Variants in STXBP6 observed in about 807,000 individuals in gnomAD.
STXBP6 encodes the protein syntaxin binding protein 6.
A neutral mutation model predicts 26.9 loss-of-function variants in STXBP6; 21 were observed. The ratio of observed to expected loss-of-function variants is 0.78; its 90% CI spans 0.55 to 1.12. The LOEUF is 1.12. Ranked by LOEUF, STXBP6 falls within the 50% of genes most tolerant of loss-of-function variation. The probability of loss-of-function intolerance (pLI) is 0.00; values close to 1 mark genes in which losing one functional copy is unlikely to be tolerated. For missense variants in STXBP6, 232 were observed against 257.9 expected, an observed-to-expected ratio of 0.90 and a Z score of 0.69; for synonymous variants, 97 against 92.6, an observed-to-expected ratio of 1.05 and a Z score of -0.27.
At chr14:24,952,847 C>CA (rs1438131903) in intron 2 of STXBP6, among the ~76,000 whole-genome samples, 2 of 152,164 alleles carry the variant, frequency 1.3e-5, no homozygotes, top group African/African-American at 4.8e-5. Flanking sequence ...CATTCCAACT[C>CA]AGAGGAGGAA....
At chr14:24,895,729 A>C (rs572670382) in intron 2 of STXBP6, among the ~76,000 whole-genome samples, 5 of 152,258 alleles carry the variant, frequency 3.3e-5, no homozygotes, top group Non-Finnish European at 5.9e-5. Flanking sequence ...CTGGAGCAAT[A>C]TCAGAGCATA....
intron 2 of STXBP6, among the ~76,000 whole-genome samples, chr14:24,920,885 C>T (rs1038404859): frequency 2.0e-5 from 3 of 152,068 alleles, no homozygotes; most frequent in Admixed American, 6.6e-5. Flanking sequence ...AACAGGAAAA[C>T]CAGCTCAGTT....
chr14:24,950,541 T>A (rs967869629), intron 2 of STXBP6, among the ~76,000 whole-genome samples: 1 of 152,042 alleles, frequency 6.6e-6, no homozygotes, highest in African/African-American at 2.4e-5. Context: ...GATAAATAAA[T>A]CTCACAAACA....
At chr14:24,849,987 C>G (rs2069091644) in intron 4 of STXBP6, among the ~76,000 whole-genome samples, 1 of 152,044 alleles carries the variant, frequency 6.6e-6, no homozygotes. Context: ...ACTCCAAAGT[C>G]TTTATTCATT....
chr14:24,827,506 C>T (rs887700225), intron 4 of STXBP6, among the ~76,000 whole-genome samples: 1 of 152,096 alleles, frequency 6.6e-6, no homozygotes, highest in Non-Finnish European at 1.5e-5. Flanking sequence ...TTCTGTTCAC[C>T]TACTCTTCTA....
At chr14:24,855,104 A>ACAGAG (rs1298506712) in intron 4 of STXBP6, among the ~76,000 whole-genome samples, 1 of 152,046 alleles carries the variant, frequency 6.6e-6, no homozygotes, top group African/African-American at 2.4e-5. Context: ...AGTTGCTAGG[A>ACAGAG]CAGAGTAATG....
At chr14:24,953,595 T>C (rs1566506232) in intron 2 of STXBP6, among the ~76,000 whole-genome samples, 2 of 152,240 alleles carry the variant, frequency 1.3e-5, no homozygotes, top group African/African-American at 4.8e-5. Flanking sequence ...CGCTTTCTAC[T>C]GAAAACACCA....
chr14:25,011,579 AAAT>A (rs1244573787), intron 1 of STXBP6, among the ~76,000 whole-genome samples: 27 of 152,302 alleles, frequency 1.8e-4, no homozygotes, highest in Middle Eastern at 3.4e-3. Flanking sequence ...GAATGAGACA[AAAT>A]AATGTTTTCC....
chr14:24,818,239 C>T, intron 5 of STXBP6: 1 of 426,242 alleles, frequency 2.3e-6, no homozygotes, highest in South Asian at 1.7e-5. Context: ...ATCTGAAGCA[C>T]AACAACAGTA....
At chr14:24,957,635 G>A (rs2073386595) in intron 2 of STXBP6, among the ~76,000 whole-genome samples, 1 of 152,166 alleles carries the variant, frequency 6.6e-6, no homozygotes, top group Non-Finnish European at 1.5e-5. Context: ...ATATTCTGGG[G>A]CTAAGCCAGG....
At chr14:25,038,103 C>A (rs1455792866) in intron 1 of STXBP6, among the ~76,000 whole-genome samples, 1 of 151,976 alleles carries the variant, frequency 6.6e-6, no homozygotes, top group East Asian at 1.9e-4. Context: ...ACAACTGAAA[C>A]ATAAACAAGA....
chr14:25,024,308 C>CAAA (rs201709869), intron 1 of STXBP6, among the ~76,000 whole-genome samples: 1 of 123,248 alleles, frequency 8.1e-6, no homozygotes. Flanking sequence ...GACTCTGACT[C>CAAA]AAAAAAAAAA....
intron 2 of STXBP6, among the ~76,000 whole-genome samples, chr14:24,968,301 C>T (rs2073799310): frequency 6.6e-6 from 1 of 151,582 alleles, no homozygotes; most frequent in South Asian, 2.1e-4. Flanking sequence ...CTTGAAAAGT[C>T]AACTTACCAC....
chr14:25,037,980 T>C (rs530326895), intron 1 of STXBP6, among the ~76,000 whole-genome samples: 6 of 152,324 alleles, frequency 3.9e-5, no homozygotes, highest in African/African-American at 1.4e-4. Context: ...TAAAATCAGA[T>C]ATCAGTGACA....
intron 4 of STXBP6, among the ~76,000 whole-genome samples, chr14:24,850,632 A>G (rs545578276): frequency 6.6e-6 from 1 of 152,216 alleles, no homozygotes; most frequent in African/African-American, 2.4e-5. Flanking sequence ...CAGCTCAGCC[A>G]TCCCCTTACT....
At chr14:25,002,359 C>CTTTTTTTTTT (rs747010332) in intron 1 of STXBP6, among the ~76,000 whole-genome samples, 11,105 of 120,332 alleles carry the variant, frequency 0.092, 1,179 homozygotes, top group African/African-American at 0.11. Context: ...ATTCTTATGA[C>CTTTTTTTTTT]TTTTTTTTTT....
Position 24,812,547 on chromosome 14 carries a change from AC to A in STXBP6, c.*161del, listed in dbSNP as rs2067851981. ...CATTAGGGAAATGTAAAAATGCAAC[AC>A]CCTTTCTTTCACATTAACATCTGAA... On this transcript the variant is annotated 3_prime_UTR_variant, in exon 6 of 6. Transcript: ENST00000323944. 2.5e-5 allele frequency: 16 copies of A among 640,854 alleles called. No homozygotes were observed. The South Asian group carries it at 2.7e-4, about 11-fold the overall frequency. 39.7% of individuals were successfully genotyped at this position (640,854 alleles called of 1,614,324 possible).
intron 1 of STXBP6, among the ~76,000 whole-genome samples, chr14:24,987,364 C>A (rs2074359177): frequency 6.6e-6 from 1 of 152,198 alleles, no homozygotes; most frequent in African/African-American, 2.4e-5. Flanking sequence ...ATCTTTGAGA[C>A]CTGCATCTTC....
intron 1 of STXBP6, chr14:24,987,781 A>T: frequency 1.1e-6 from 1 of 947,402 alleles, no homozygotes; most frequent in Non-Finnish European, 1.3e-6. Flanking sequence ...AGGTGTTGTT[A>T]CCCAAGGGAG....
Sources: gnomAD v4.1 joint callset for allele counts (sites outside exome capture counted in the v4.1 genomes callset) on GRCh38, gnomAD v4.1.1 for gene constraint, MANE v1.5 for transcripts, NCBI Gene and HGNC (gene_info 2026-07-23, HGNC 2026-07-21) for gene names.